Variants in ADGRE2 observed in about 807,000 individuals in gnomAD.
ADGRE2 encodes CD97 antigen.
ADGRE2 carries 83 observed loss-of-function variants against 100.8 expected under a neutral mutation model. The observed-to-expected ratio is 0.82, with a 90% CI of 0.69 to 0.99. ADGRE2 has a LOEUF of 0.99. Among genes scored for constraint, ADGRE2 ranks in the 50% least tolerant of loss-of-function variants. The probability of loss-of-function intolerance (pLI) is 0.00; values close to 1 mark genes in which losing one functional copy is unlikely to be tolerated. For missense variants in ADGRE2, 814 were observed against 1,035.7 expected, an observed-to-expected ratio of 0.79 and a Z score of 2.94; for synonymous variants, 355 against 413.0, an observed-to-expected ratio of 0.86 and a Z score of 1.70.
chr19:14,746,642 C>T (rs138451694), intron 17 of ADGRE2, among the ~76,000 whole-genome samples: 5 of 152,270 alleles, frequency 3.3e-5, no homozygotes, highest in African/African-American at 9.6e-5. Flanking sequence ...GGATTACAGG[C>T]GTGAGCCACC....
At chr19:14,741,006 C>T (rs1466248461) in intron 20 of ADGRE2, among the ~76,000 whole-genome samples, 1 of 151,880 alleles carries the variant, frequency 6.6e-6, no homozygotes, top group Non-Finnish European at 1.5e-5. Flanking sequence ...GCTGGGACTA[C>T]AGGCATGTGC....
rs71333311 is a variant in ADGRE2, at chr19:14,759,815, A to ATTTT, written c.1085-3474_1085-3471dup. Among the ~76,000 whole-genome samples, 67 of 95,546 alleles carry ATTTT rather than the reference A, an allele frequency of 7.0e-4. 3 individuals are homozygous for ATTTT. The highest frequency in any genetic ancestry group is 2.8e-3 in the African/African-American group (61 of 21,544). The allele number at this position is 95,546 out of a possible 152,430, so 62.7% of individuals were successfully genotyped here. A position where few individuals can be genotyped will look rare whatever the true frequency, so the allele number is the denominator to read the frequency against. On this transcript the variant is annotated intron_variant, in intron 11 of 20. Transcript: ENST00000315576. ...AGCCACCTCTCCGCTTATTAAGCAG[A>ATTTT]TTTTTTTTTTTTTTTTTTTTTGAGA...
intron 12 of ADGRE2, 29 bp downstream of exon 12, chr19:14,756,209 A>G (rs772765957): frequency 6.7e-7 from 1 of 1,494,810 alleles, no homozygotes; most frequent in Non-Finnish European, 9.3e-7. Flanking sequence ...ATGAAGCTTC[A>G]CTGACCACCT....
chr19:14,729,590 C>T (rs372812568), downstream of ADGRE2, among the ~76,000 whole-genome samples: 11 of 152,160 alleles, frequency 7.2e-5, no homozygotes, highest in South Asian at 2.1e-4. Flanking sequence ...TGGGCTGAAG[C>T]GATCTGCCCA....
intron 4 of ADGRE2, among the ~76,000 whole-genome samples, chr19:14,773,701 A>G (rs1298037048): frequency 6.6e-6 from 1 of 151,640 alleles, no homozygotes. Flanking sequence ...TTGTAGAGAC[A>G]GGGTCTCACC....
chr19:14,751,264 A>G (rs1217348062), intron 16 of ADGRE2, among the ~76,000 whole-genome samples, 172 bp downstream of exon 16: 1 of 152,204 alleles, frequency 6.6e-6, no homozygotes, highest in Non-Finnish European at 1.5e-5. Flanking sequence ...TTGAAATGTA[A>G]TTGAAATAAA....
intron 11 of ADGRE2, among the ~76,000 whole-genome samples, chr19:14,763,268 A>G (rs1339453011): frequency 6.6e-6 from 1 of 152,022 alleles, no homozygotes; most frequent in Non-Finnish European, 1.5e-5. Flanking sequence ...CTGTCAACCC[A>G]GGAGGCGGAG....
At chr19:14,768,404 T>A (rs560676875) in intron 5 of ADGRE2, among the ~76,000 whole-genome samples, 19 of 152,154 alleles carry the variant, frequency 1.2e-4, no homozygotes, top group Non-Finnish European at 5.9e-5. Flanking sequence ...TGAGAATCCA[T>A]AGCTGAGAAA....
At chr19:14,773,407 C>CTTTT (rs368475089) in intron 4 of ADGRE2, among the ~76,000 whole-genome samples, 1,756 of 111,504 alleles carry the variant, frequency 0.016, 29 homozygotes, top group South Asian at 0.057. Flanking sequence ...CTCTTTCTGT[C>CTTTT]TTTTTTTTTT....
At chr19:14,772,190 C>T (rs561534253) in intron 5 of ADGRE2, 152 bp downstream of exon 5, 16 of 1,114,984 alleles carry the variant, frequency 1.4e-5, no homozygotes, top group Non-Finnish European at 2.1e-5. Context: ...CCTCTCTGGG[C>T]TGGCGAAACA....
At chr19:14,758,796 A>G (rs1393294814) in intron 11 of ADGRE2, among the ~76,000 whole-genome samples, 1 of 150,600 alleles carries the variant, frequency 6.6e-6, no homozygotes, top group Admixed American at 6.7e-5. Flanking sequence ...GAGGCAGGAG[A>G]ATGGCGTGAC....
Position 14,743,790 on chromosome 19 carries a change from T to C in ADGRE2, c.2184-6A>G, listed in dbSNP as rs2147142563. On this transcript the variant is annotated splice_polypyrimidine_tract_variant and splice_region_variant and intron_variant, in intron 18 of 20. Transcript: ENST00000315576. ...TCGCTTTAAATGCCAGCATCCTGGA[T>C]TGAGTAAGAAAGGAGGCTGGTGATG... 3 of 1,613,640 alleles carry C rather than the reference T, an allele frequency of 1.9e-6. No individual in the cohort carries two copies. The highest frequency in any genetic ancestry group is 4.5e-5 in the East Asian group (2 of 44,872).
At chr19:14,736,338 T>C (rs1053201476) in intron 20 of ADGRE2, 94 bp from the exon 21 acceptor site, 32 of 767,866 alleles carry the variant, frequency 4.2e-5, no homozygotes, top group South Asian at 3.9e-4. Context: ...CTCGACTCAC[T>C]GTAACCCCCG....
At position 14,776,713 on chromosome 19, in the gene ADGRE2, C is replaced by T. The variant is rs746919960; in HGVS notation, c.31+13G>A. The T allele has an allele frequency of 6.2e-7, 1 of 1,612,218 alleles. No individual in the cohort carries two copies. On this transcript the variant is annotated intron_variant, in intron 2 of 20. Coordinates refer to ENST00000315576, the MANE Select transcript of ADGRE2 (RefSeq NM_013447.4). ...CCTCGCTACCACCCCCAGCGGGGCC[C>T]CAAAGTACTTACCGAGAAAGACGAG...
chr19:14,736,772 ATAGATATTTAGAAG>A (rs1336767593), intron 20 of ADGRE2, among the ~76,000 whole-genome samples: 10 of 144,588 alleles, frequency 6.9e-5, no homozygotes, highest in East Asian at 2.0e-4. Flanking sequence ...ATTTAGAAAT[ATAGATATTTAGAAG>A]TATAGATATT....
intron 5 of ADGRE2, chr19:14,771,819 T>C (rs537709395): frequency 1.3e-5 from 2 of 152,872 alleles, no homozygotes; most frequent in Admixed American, 1.3e-4. Context: ...TTTCGTACTT[T>C]TAGTAGAGAC....
At chr19:14,741,269 G>A (rs542027317) in intron 20 of ADGRE2, among the ~76,000 whole-genome samples, 1 of 150,432 alleles carries the variant, frequency 6.6e-6, no homozygotes, top group Admixed American at 6.6e-5. Flanking sequence ...GCTAATTTAT[G>A]TATTTTTAGT....
At chr19:14,749,396 A>AATATAATTATTTAGTT (rs2043194297) in intron 16 of ADGRE2, among the ~76,000 whole-genome samples, 1 of 140,896 alleles carries the variant, frequency 7.1e-6, no homozygotes, top group African/African-American at 2.5e-5. Context: ...ATAGTTATAT[A>AATATAATTATTTAGTT]ATATAATTAT....
chr19:14,761,725 C>G (rs2043731782), intron 11 of ADGRE2, among the ~76,000 whole-genome samples: 1 of 152,072 alleles, frequency 6.6e-6, no homozygotes, highest in South Asian at 2.1e-4. Flanking sequence ...CTTTGCCAAC[C>G]ACGTATACAG....
Sources: allele counts gnomAD v4.1 joint callset (sites outside exome capture counted in the v4.1 genomes callset), GRCh38; gene constraint gnomAD v4.1.1; transcripts MANE v1.5; gene names NCBI Gene and HGNC (gene_info 2026-07-23, HGNC 2026-07-21).